The following NBPF15 variants were observed in gnomAD, a reference collection of about 807,000 sequenced individuals.
The protein encoded by NBPF15 is NBPF family member NBPF15.
NBPF15 carries 74 observed loss-of-function variants against 62.2 expected under a neutral mutation model. The observed-to-expected ratio is 1.19, with a 90% CI of 0.99 to 1.44. The LOEUF is 1.44. Ranked by LOEUF, NBPF15 falls within the 40% of genes most tolerant of loss-of-function variation. The pLI, the probability that NBPF15 is intolerant of heterozygous loss-of-function variation, is 0.00. For synonymous variants in NBPF15, 244 were observed against 209.7 expected, an observed-to-expected ratio of 1.16 and a Z score of -1.41; for missense variants, 790 against 550.0, an observed-to-expected ratio of 1.44 and a Z score of -4.36.
At chr1:144,432,337 C>A (rs1225746473) in intron 13 of NBPF15, among the ~76,000 whole-genome samples, 4 of 151,804 alleles carry the variant, frequency 2.6e-5, no homozygotes, top group East Asian at 1.9e-4. Context: ...ACAACCGGTA[C>A]CAGCCACTAC....
At chr1:144,461,305 G>A (rs1425226776) in intron 1 of NBPF15, 76 bp downstream of exon 1, 1 of 123,746 alleles carries the variant, frequency 8.1e-6, no homozygotes, top group African/African-American at 3.1e-5. Flanking sequence ...ACCCCGCCTC[G>A]CCCTCCGTCG....
intron 6 of NBPF15, among the ~76,000 whole-genome samples, chr1:144,442,308 G>A (rs868964093): frequency 3.4e-5 from 4 of 116,826 alleles, no homozygotes; most frequent in Non-Finnish European, 6.9e-5. Flanking sequence ...ATATATACAC[G>A]TGTATATATT....
In NBPF15 at chr1:144,433,299, G is replaced by A. The variant is rs1179975383; in HGVS notation, c.824+474C>T. Among the ~76,000 whole-genome samples the A allele has an allele frequency of 4.6e-5, 7 of 152,054 alleles. 1 individual carries two copies. The highest frequency in any genetic ancestry group is 2.1e-4 in the South Asian group (1 of 4,830). On this transcript the variant is annotated intron_variant, in intron 13 of 21. Coordinates refer to ENST00000581897, the MANE Select transcript of NBPF15 (RefSeq NM_001385408.1). ...CCAGAATCTCTGAGACACATTTAAA[G>A]CAATGTGTAGAGGGAAAATTATAGC... is the stretch of plus-strand genomic sequence containing the variant.
chr1:144,423,002 G>C lies in NBPF15; in HGVS notation c.*11C>G, dbSNP rs781957187. On this transcript the variant is annotated 3_prime_UTR_variant, in exon 22 of 22. Transcript: ENST00000581897. Reference sequence around the variant, plus strand: ...TGCAGGAATGACATCTCTCGGCTTAGTAAGAGCTGCTTATTGTGGGAATAT... The same window carrying C: ...TGCAGGAATGACATCTCTCGGCTTACTAAGAGCTGCTTATTGTGGGAATAT... The C allele has an allele frequency of 6.8e-6, 11 of 1,611,556 alleles. 1 individual carries two copies. Among genetic ancestry groups the C allele is most frequent in the Admixed American group, 1.7e-5 (1 of 59,964 alleles).
rs1380460273 is a variant in NBPF15, at chr1:144,461,370, C to G, written c.-938+11G>C. The G allele has an allele frequency of 1.3e-5, 2 of 151,828 alleles. No homozygotes were observed. The highest frequency in any genetic ancestry group is 6.5e-5 in the Admixed American group (1 of 15,272). The allele number at this position is 151,828 out of a possible 1,614,324, so 9.4% of individuals were successfully genotyped here. A position where few individuals can be genotyped will look rare whatever the true frequency, so the allele number is the denominator to read the frequency against. On this transcript the variant is annotated intron_variant, in intron 1 of 21. Transcript: ENST00000581897. ...TCGACCCAGCTGTGTACCCGCGGGTCCCGGACTCACCGCCCGCCCGGCCTG... is the reference window on the plus strand; with the variant it reads ...TCGACCCAGCTGTGTACCCGCGGGTGCCGGACTCACCGCCCGCCCGGCCTG...
chr1:144,441,895 T>C (rs587659967), intron 6 of NBPF15, among the ~76,000 whole-genome samples: 2 of 149,488 alleles, frequency 1.3e-5, no homozygotes, highest in South Asian at 4.2e-4. Context: ...ATTGGTGTCT[T>C]TGTTTTTAAA....
intron 15 of NBPF15, 125 bp downstream of exon 15, chr1:144,428,481 A>T: frequency 1.1e-6 from 1 of 875,796 alleles, no homozygotes; most frequent in Non-Finnish European, 1.9e-6. Context: ...AAAGCAATGT[A>T]GTAGGCATAA....
At chr1:144,455,109 AAGGAAGGGAGGG>A (rs781959237) in intron 4 of NBPF15, among the ~76,000 whole-genome samples, 155 of 137,918 alleles carry the variant, frequency 1.1e-3, no homozygotes, top group Admixed American at 2.1e-3. Flanking sequence ...GGAAGGAAGG[AAGGAAGGGAGGG>A]AGGAAGGGAG....
At chr1:144,436,730 G>A (rs2102064019) in intron 10 of NBPF15, among the ~76,000 whole-genome samples, 165 bp downstream of exon 10, 1 of 152,120 alleles carries the variant, frequency 6.6e-6, no homozygotes, top group South Asian at 2.1e-4. Context: ...CAACCCCATG[G>A]GTTTCCCATC....
chr1:144,434,145 A>G (rs1553540595), intron 12 of NBPF15, among the ~76,000 whole-genome samples: 2 of 150,438 alleles, frequency 1.3e-5, no homozygotes, highest in Non-Finnish European at 2.9e-5. Context: ...TTGCTGCAAT[A>G]CGGACTTATA....
At chr1:144,429,045 G>C (rs1672204888) in intron 14 of NBPF15, among the ~76,000 whole-genome samples, 1 of 151,934 alleles carries the variant, frequency 6.6e-6, no homozygotes, top group South Asian at 2.1e-4. Context: ...TGGACACAGA[G>C]ATTTGATGAA....
intron 6 of NBPF15, among the ~76,000 whole-genome samples, chr1:144,442,376 G>GTA (rs1369587215): frequency 7.5e-6 from 1 of 133,564 alleles, no homozygotes; most frequent in East Asian, 2.1e-4. Flanking sequence ...ATGTATACAT[G>GTA]TATATATATT....
chr1:144,442,147 A>ATATATATACACGTGTATATATATAAT (rs1553542823), intron 6 of NBPF15, among the ~76,000 whole-genome samples: 1 of 7,528 alleles, frequency 1.3e-4, no homozygotes, highest in African/African-American at 3.0e-4. Context: ...ATATATATAT[A>ATATATATACACGTGTATATATATAAT]ATATATATAC....
chr1:144,437,907 C>G (rs782067887), intron 9 of NBPF15, 38 bp downstream of exon 9: 1 of 1,610,588 alleles, frequency 6.2e-7, no homozygotes, highest in East Asian at 2.2e-5. Context: ...GAGATTTACA[C>G]ACCTGCCCCC....
At chr1:144,426,682 G>T (rs1306009278) in intron 17 of NBPF15, among the ~76,000 whole-genome samples, 1 of 151,592 alleles carries the variant, frequency 6.6e-6, no homozygotes, top group East Asian at 1.9e-4. Context: ...TGAGCTCAGC[G>T]AATTGGCCGG....
chr1:144,442,309 T>C (rs1327271935), intron 6 of NBPF15, among the ~76,000 whole-genome samples: 1 of 129,674 alleles, frequency 7.7e-6, no homozygotes, highest in Non-Finnish European at 1.6e-5. Context: ...TATATACACG[T>C]GTATATATTA....
chr1:144,424,256 T>C (rs1318138955), intron 20 of NBPF15, among the ~76,000 whole-genome samples: 1 of 151,860 alleles, frequency 6.6e-6, no homozygotes, highest in Non-Finnish European at 1.5e-5. Flanking sequence ...TTCCAATCAA[T>C]TTAAAGCAAA....
At chr1:144,432,591 T>A (rs1308008118) in intron 13 of NBPF15, among the ~76,000 whole-genome samples, 19 of 151,052 alleles carry the variant, frequency 1.3e-4, no homozygotes, top group African/African-American at 4.4e-4. Flanking sequence ...ACACATAGGC[T>A]CAAAATAAAG....
chr1:144,443,208 G>T (rs1684863090), intron 6 of NBPF15, among the ~76,000 whole-genome samples: 1 of 151,502 alleles, frequency 6.6e-6, no homozygotes, highest in Admixed American at 6.6e-5. Context: ...AAACTTTTTT[G>T]TTTTGATGGA....
Sources: gnomAD v4.1 joint callset for allele counts (sites outside exome capture counted in the v4.1 genomes callset) on GRCh38, gnomAD v4.1.1 for gene constraint, MANE v1.5 for transcripts, NCBI Gene and HGNC (gene_info 2026-07-23, HGNC 2026-07-21) for gene names.